Variants in OR4F17 observed in about 807,000 individuals in gnomAD.
OR4F17 encodes olfactory receptor family 4 subfamily F member 17.
For missense variants in OR4F17, 1 was observed against 323.6 expected (o/e 0.00, Z 7.65); for synonymous variants, 1 against 120.7 (o/e 0.01, Z 6.50).
At chr19:107,893 T>TAAATATAATATAATATATATTATATA (rs11384287) in intron 2 of OR4F17, among the ~76,000 whole-genome samples, 1 of 2,014 alleles carries the variant, frequency 5.0e-4, no homozygotes, top group East Asian at 0.014. Context: ...ATATATTATA[T>TAAATATAATATAATATATATTATATA]AATATAATAT....
chr19:109,908 T>A (rs1417896175), intron 2 of OR4F17, among the ~76,000 whole-genome samples: 1 of 152,190 alleles, frequency 6.6e-6, no homozygotes, highest in Non-Finnish European at 1.5e-5. Flanking sequence ...TACCTACTGT[T>A]AGGCTTAAAA....
chr19:108,187 T>G, intron 2 of OR4F17, among the ~76,000 whole-genome samples: 2 of 135,046 alleles, frequency 1.5e-5, no homozygotes, highest in Non-Finnish European at 3.1e-5. Context: ...TAAATATATT[T>G]ATATATTATA....
chr19:109,638 C>A (rs1414991012), intron 2 of OR4F17, among the ~76,000 whole-genome samples: 3 of 134,224 alleles, frequency 2.2e-5, no homozygotes, highest in African/African-American at 8.0e-5. Context: ...AATTTATATA[C>A]CTGGTCGTAT....
chr19:109,795 GCA>G (rs1456381244), intron 2 of OR4F17, among the ~76,000 whole-genome samples: 1 of 148,550 alleles, frequency 6.7e-6, no homozygotes, highest in Non-Finnish European at 1.5e-5. Flanking sequence ...AGGCCTCCTA[GCA>G]CACAAGCTCA....
intron 2 of OR4F17, among the ~76,000 whole-genome samples, chr19:108,090 TA>T: frequency 8.2e-6 from 1 of 121,920 alleles, no homozygotes; most frequent in African/African-American, 3.2e-5. Context: ...TATATTTTAT[TA>T]TATAATATAT....
At chr19:108,846 TG>T (rs1308846416) in intron 2 of OR4F17, among the ~76,000 whole-genome samples, 8 of 152,286 alleles carry the variant, frequency 5.3e-5, no homozygotes, top group Non-Finnish European at 1.0e-4. Flanking sequence ...TGAATGTTCA[TG>T]ATTTATTCCA....
intron 2 of OR4F17, among the ~76,000 whole-genome samples, 189 bp downstream of exon 2, chr19:107,744 T>TA (rs1968629767): frequency 7.5e-6 from 1 of 132,498 alleles, no homozygotes; most frequent in Non-Finnish European, 1.6e-5. Context: ...CATAAGGCAT[T>TA]TATATATATA....
chr19:109,013 T>C (rs1176781699), intron 2 of OR4F17, among the ~76,000 whole-genome samples: 69 of 151,400 alleles, frequency 4.6e-4, no homozygotes, highest in Middle Eastern at 3.4e-3. Context: ...TATGAATTAC[T>C]GTTCTTTAAA....
intron 2 of OR4F17, among the ~76,000 whole-genome samples, chr19:109,960 C>A (rs1273142747): frequency 6.6e-6 from 1 of 151,918 alleles, no homozygotes; most frequent in Non-Finnish European, 1.5e-5. Flanking sequence ...CCTTCCAATT[C>A]ACATTGAGTC....
intron 2 of OR4F17, among the ~76,000 whole-genome samples, chr19:110,109 A>C (rs1337713729): frequency 1.0e-4 from 15 of 148,096 alleles, no homozygotes; most frequent in Non-Finnish European, 1.9e-4. Flanking sequence ...TCTCTCATTT[A>C]AACTTTATTG....
At chr19:109,872 C>T (rs1386863462) in intron 2 of OR4F17, among the ~76,000 whole-genome samples, 2 of 152,152 alleles carry the variant, frequency 1.3e-5, no homozygotes, top group African/African-American at 4.8e-5. Context: ...CCCTTTCCTG[C>T]TCACACAACC....
intron 2 of OR4F17, among the ~76,000 whole-genome samples, chr19:109,969 T>C (rs1404647953): frequency 1.3e-5 from 2 of 151,738 alleles, no homozygotes; most frequent in Non-Finnish European, 2.9e-5. Context: ...TCACATTGAG[T>C]CCAGAGCTAA....
intron 2 of OR4F17, among the ~76,000 whole-genome samples, chr19:108,203 A>G (rs1968655265): frequency 1.5e-5 from 2 of 134,284 alleles, no homozygotes; most frequent in Non-Finnish European, 3.1e-5. Context: ...TTATATAAAT[A>G]TATATATTAT....
At chr19:109,009 T>C (rs1456468338) in intron 2 of OR4F17, among the ~76,000 whole-genome samples, 1 of 151,352 alleles carries the variant, frequency 6.6e-6, no homozygotes, top group Admixed American at 6.6e-5. Context: ...GCACTATGAA[T>C]TACTGTTCTT....
rs1284630083 is a variant in OR4F17, at chr19:107,758, ATT to A, written c.-55+204_-55+205del. Among the ~76,000 whole-genome samples the A allele has an allele frequency of 2.3e-5, 3 of 131,534 alleles. No individual in the cohort carries two copies. The East Asian group carries it at 6.2e-4, about 27-fold the overall frequency. The allele number at this position is 131,534 out of a possible 152,430, so 86.3% of individuals were successfully genotyped here. ...ACATAAGGCATTTATATATATATAT[ATT>A]ATATATACTATATATTTATATATAT... is the stretch of plus-strand genomic sequence containing the variant. On this transcript the variant is annotated intron_variant, in intron 2 of 2. Coordinates refer to ENST00000585993, the MANE Select transcript of OR4F17 (RefSeq NM_001005240.3).
At chr19:108,308 TG>T (rs1463007815) in intron 2 of OR4F17, among the ~76,000 whole-genome samples, 1 of 150,346 alleles carries the variant, frequency 6.7e-6, no homozygotes, top group East Asian at 2.0e-4. Context: ...CTACAATGAG[TG>T]TGTAAGATTC....
chr19:109,821 T>A (rs1968682068), intron 2 of OR4F17, among the ~76,000 whole-genome samples: 2 of 151,496 alleles, frequency 1.3e-5, no homozygotes, highest in African/African-American at 4.8e-5. Flanking sequence ...CTTAACTACT[T>A]TAATACGTTG....
rs1444985647 is a variant in OR4F17, at chr19:110,435, G to A, written c.-54-190G>A. On this transcript the variant is annotated intron_variant, in intron 2 of 2. Transcript: ENST00000585993. ...CTAACATTAATGGAGACACTGAGAA[G>A]CCGAGATAACTGAATTATAAGGCAT... is the stretch of plus-strand genomic sequence containing the variant. Among the ~76,000 whole-genome samples the A allele has an allele frequency of 3.3e-5, 5 of 152,388 alleles. No individual in the cohort carries two copies. The East Asian group carries it at 7.7e-4, about 24-fold the overall frequency.
At chr19:107,875 AATATAATATATATTATAT>A (rs1467658503) in intron 2 of OR4F17, among the ~76,000 whole-genome samples, 2 of 54,490 alleles carry the variant, frequency 3.7e-5, no homozygotes, top group Admixed American at 3.5e-4. Flanking sequence ...TTTATTATAT[AATATAATATATATTATAT>A]AATATAATAT....
Sources: gnomAD v4.1 joint callset for allele counts (sites outside exome capture counted in the v4.1 genomes callset) on GRCh38, gnomAD v4.1.1 for gene constraint, MANE v1.5 for transcripts, NCBI Gene and HGNC (gene_info 2026-07-23, HGNC 2026-07-21) for gene names.